DMBT1: variants seen among roughly 807,000 people sequenced by gnomAD.
DMBT1 encodes the protein scavenger receptor cysteine-rich domain-containing protein DMBT1.
In DMBT1, 198 loss-of-function variants were observed where a neutral mutation model predicts 252.9. The observed-to-expected ratio is 0.78, with a 90% CI of 0.70 to 0.88. The LOEUF (loss-of-function observed/expected upper bound fraction) is 0.88. Among genes scored for constraint, DMBT1 ranks in the 40% least tolerant of loss-of-function variants. The pLI, the probability that DMBT1 is intolerant of heterozygous loss-of-function variation, is 0.00. For synonymous variants in DMBT1, 990 were observed against 942.7 expected (o/e 1.05, Z -0.92); for missense variants, 2,432 against 2,404.7 (o/e 1.01, Z -0.24).
rs1377164885 is a variant in DMBT1, at chr10:122,618,058, G to A, written c.4933G>A (p.Asp1645Asn). 6.2e-7 allele frequency: 1 copy of A among 1,613,566 alleles called. No individual in the cohort carries two copies. The highest frequency in any genetic ancestry group is 1.1e-5 in the South Asian group (1 of 91,062). The part of the protein sequence containing the change: ...TLALRLVNGG[D>N]RCRGRVEVLY... ...GGCCCTGAGACTGGTGAATGGAGGT[G>A]ACAGGTGTCGAGGCCGAGTGGAGGT... Residue 1645 changes from aspartate (D) to asparagine (N), a missense_variant, in exon 41 of 56, where the codon GAC (aspartate) becomes AAC (asparagine). Asp to Asn is a conservative substitution (Grantham distance 23). Coordinates refer to ENST00000338354, the MANE Select transcript of DMBT1 (RefSeq NM_001377530.1).
chr10:122,622,140 C>G (rs1481107906), intron 44 of DMBT1, among the ~76,000 whole-genome samples: 1 of 152,160 alleles, frequency 6.6e-6, no homozygotes, highest in Non-Finnish European at 1.5e-5. Context: ...AGTTAATTGC[C>G]TTGGAGCTGG....
chr10:122,590,547 C>G, intron 17 of DMBT1, 118 bp from the exon 18 acceptor site: 1 of 1,280,612 alleles, frequency 7.8e-7, no homozygotes. Flanking sequence ...ATGCCCCTCC[C>G]TCTGTGATGG....
chr10:122,600,058 T>C lies in DMBT1; in HGVS notation c.3281-6T>C, dbSNP rs775820988. 13 of 1,607,948 alleles carry C rather than the reference T, an allele frequency of 8.1e-6. No individual in the cohort carries two copies. Among genetic ancestry groups the C allele is most frequent in the Non-Finnish European group, 1.0e-5 (12 of 1,178,354 alleles). On this transcript the variant is annotated splice_region_variant and splice_polypyrimidine_tract_variant and intron_variant, in intron 26 of 55. Transcript: ENST00000338354. ...CTGATCTGACCTTCTCTTCTCTTTC[T>C]CACAGCTTCCCAGTCCCGGCCAACA...
chr10:122,620,573 G>A (rs1273373995), intron 43 of DMBT1, among the ~76,000 whole-genome samples: 1 of 152,230 alleles, frequency 6.6e-6, no homozygotes, highest in African/African-American at 2.4e-5. Context: ...ATCCTACTGG[G>A]ACCTTGTTCC....
intron 47 of DMBT1, 96 bp from the exon 48 acceptor site, chr10:122,630,192 G>A (rs139253589): frequency 7.2e-7 from 1 of 1,384,664 alleles, no homozygotes; most frequent in Admixed American, 1.8e-5. Context: ...AGAAAAACCT[G>A]TATTCAATGG....
intron 54 of DMBT1, among the ~76,000 whole-genome samples, chr10:122,639,272 G>A (rs1844059511): frequency 6.6e-6 from 1 of 152,242 alleles, no homozygotes; most frequent in Non-Finnish European, 1.5e-5. Context: ...AAGCACTTGA[G>A]AGCATCTTTG....
chr10:122,636,304 CA>C (rs1335603432), intron 53 of DMBT1, 105 bp downstream of exon 53: 2 of 1,051,920 alleles, frequency 1.9e-6, no homozygotes, highest in African/African-American at 3.2e-5. Flanking sequence ...GGAACCCTTT[CA>C]GGTCACCAGG....
chr10:122,567,211 C>T (rs28733906), intron 2 of DMBT1, among the ~76,000 whole-genome samples: 3,112 of 152,308 alleles, frequency 0.02, 108 homozygotes, highest in African/African-American at 0.07. Flanking sequence ...GAGGCTGAGG[C>T]AGGGAGACCG....
At chr10:122,620,363 A>T in intron 43 of DMBT1, 72 bp downstream of exon 43, 1 of 1,557,968 alleles carries the variant, frequency 6.4e-7, no homozygotes, top group Non-Finnish European at 8.8e-7. Context: ...TGAAAATGAA[A>T]GAATGAGGCT....
intron 54 of DMBT1, 136 bp from the exon 55 acceptor site, chr10:122,639,904 G>A (rs1054951022): frequency 1.4e-5 from 15 of 1,041,298 alleles, no homozygotes; most frequent in Non-Finnish European, 1.9e-5. Context: ...CACGTGCCAT[G>A]GCCATCTCTG....
At chr10:122,632,516 T>C (rs1399405200) in intron 50 of DMBT1, among the ~76,000 whole-genome samples, 1 of 152,056 alleles carries the variant, frequency 6.6e-6, no homozygotes, top group Non-Finnish European at 1.5e-5. Flanking sequence ...TCCACCCAGG[T>C]GCAGTTGCAC....
chr10:122,640,819 G>A (rs530343555), intron 55 of DMBT1, among the ~76,000 whole-genome samples: 3 of 152,158 alleles, frequency 2.0e-5, no homozygotes, highest in Non-Finnish European at 2.9e-5. Context: ...AAAGACCTGC[G>A]TATAGTGGGA....
intron 52 of DMBT1, among the ~76,000 whole-genome samples, chr10:122,634,482 T>TCTC: frequency 9.5e-6 from 1 of 105,326 alleles, no homozygotes; most frequent in East Asian, 3.1e-4. Context: ...CTCTCTCTCT[T>TCTC]TCTCTCTTTT....
chr10:122,569,413 C>T (rs1238944750), intron 2 of DMBT1, among the ~76,000 whole-genome samples: 1 of 152,200 alleles, frequency 6.6e-6, no homozygotes, highest in East Asian at 1.9e-4. Context: ...AGAACTTCTC[C>T]TGGACCCAAC....
rs749399443 is a variant in DMBT1 at position 122,617,220 on chromosome 10, AT to A, written c.4859-5del. The A allele has an allele frequency of 2.5e-6, 4 of 1,608,896 alleles. No homozygotes were observed. The highest frequency in any genetic ancestry group is 2.5e-6 in the Non-Finnish European group (3 of 1,178,580). ...AATTCTGTCTTTTTTCTTTGTTGCT[AT>A]TTACAGACACTTGGCCAACCTCTCG... On this transcript the variant is annotated splice_region_variant and splice_polypyrimidine_tract_variant and intron_variant, in intron 39 of 55. Coordinates refer to ENST00000338354, the MANE Select transcript of DMBT1 (RefSeq NM_001377530.1).
At chr10:122,627,218 A>G (rs973024033) in intron 46 of DMBT1, among the ~76,000 whole-genome samples, 1 of 152,228 alleles carries the variant, frequency 6.6e-6, no homozygotes, top group Admixed American at 6.5e-5. Context: ...CTTATTATCT[A>G]GCATTGTGTC....
chr10:122,630,368 A>T lies in DMBT1; in HGVS notation c.5903A>T (p.Lys1968Ile). The change falls in exon 48 of 56, where the codon AAA becomes ATA. Residue 1968 changes from lysine to isoleucine, a missense_variant. Physicochemically the swap from Lys to Ile is moderately radical, Grantham distance 102 (BLOSUM62 -3). Around this residue, in one of 3 missense-constraint regions of DMBT1, gnomAD observed 1,162 missense variants for 1,169.0 expected, o/e 0.99. Coordinates refer to ENST00000338354, the MANE Select transcript of DMBT1 (RefSeq NM_001377530.1). ...TTGAATAGCAGTCTCCTGCTGGGGAAAATCTGTAATGATACCAGGCAAATA... is the reference window on the plus strand; with the variant it reads ...TTGAATAGCAGTCTCCTGCTGGGGATAATCTGTAATGATACCAGGCAAATA... ...GSLNSSLLLG[K>I]ICNDTRQIFT... 6.2e-7 allele frequency: 1 copy of T among 1,613,990 alleles called. No individual in the cohort carries two copies. Among genetic ancestry groups the T allele is most frequent in the South Asian group, 1.1e-5 (1 of 91,080 alleles).
intron 18 of DMBT1, among the ~76,000 whole-genome samples, chr10:122,591,033 T>C (rs2097845624): frequency 6.7e-6 from 1 of 148,632 alleles, no homozygotes; most frequent in Admixed American, 6.7e-5. Context: ...GGGCCCCATC[T>C]ACCTCCAGAC....
chr10:122,576,872 G>GA (rs2097716965), intron 7 of DMBT1, 150 bp downstream of exon 7: 1 of 986,332 alleles, frequency 1.0e-6, no homozygotes, highest in Non-Finnish European at 1.5e-6. Context: ...ATTAAAAAAA[G>GA]AAAATCACTT....
Sources: gnomAD v4.1 joint callset for allele counts (sites outside exome capture counted in the v4.1 genomes callset) on GRCh38, gnomAD v4.1.1 for gene constraint, gnomAD v4.1.1 regional missense constraint, MANE v1.5 for transcripts, NCBI Gene and HGNC (gene_info 2026-07-23, HGNC 2026-07-21) for gene names.